LDLRAD4: variants seen among roughly 807,000 people sequenced by gnomAD.
LDLRAD4 encodes low-density lipoprotein receptor class A domain-containing protein 4.
A neutral mutation model predicts 17.0 loss-of-function variants in LDLRAD4; 5 were observed. The ratio of observed to expected loss-of-function variants is 0.29; its 90% CI spans 0.15 to 0.62. The LOEUF (loss-of-function observed/expected upper bound fraction) is 0.62. Ranked by LOEUF, LDLRAD4 falls within the 20% of genes least tolerant of loss-of-function variation. The probability of loss-of-function intolerance (pLI) is 0.84; values close to 1 mark genes in which losing one functional copy is unlikely to be tolerated. For missense variants in LDLRAD4, 340 were observed against 424.7 expected (o/e 0.80, Z 1.75); for synonymous variants, 168 against 171.8 (o/e 0.98, Z 0.17).
chr18:13,576,421 C>CAAAAAAA (rs60116058), intron 3 of LDLRAD4, among the ~76,000 whole-genome samples: 7 of 90,298 alleles, frequency 7.8e-5, no homozygotes, highest in African/African-American at 1.3e-4. Context: ...GACTCTGTCT[C>CAAAAAAA]AAAAAAAAAA....
chr18:13,456,478 C>G (rs2092141675), intron 3 of LDLRAD4, among the ~76,000 whole-genome samples: 1 of 152,214 alleles, frequency 6.6e-6, no homozygotes, highest in South Asian at 2.1e-4. Flanking sequence ...CTTTCTTTCT[C>G]TTTCTATGAT....
intron 1 of LDLRAD4, among the ~76,000 whole-genome samples, chr18:13,363,408 G>A (rs1298347392): frequency 2.0e-5 from 3 of 151,776 alleles, no homozygotes; most frequent in African/African-American, 4.8e-5. Context: ...TTCCCTTAAC[G>A]AAGGTCTTCA....
intron 1 of LDLRAD4, among the ~76,000 whole-genome samples, chr18:13,308,565 C>G (rs1001971160): frequency 6.6e-6 from 1 of 152,188 alleles, no homozygotes; most frequent in South Asian, 2.1e-4. Context: ...CCTGTTCGAC[C>G]ACATCCTCAC....
At chr18:13,317,079 G>A (rs371744845) in intron 1 of LDLRAD4, among the ~76,000 whole-genome samples, 42 of 152,138 alleles carry the variant, frequency 2.8e-4, no homozygotes, top group African/African-American at 8.7e-4. Context: ...GGAGAAGGAT[G>A]CCCGGTGCAC....
At chr18:13,650,459 C>A (rs2043198751) in exon 6 of LDLRAD4, 1 of 397,874 alleles carries the variant, frequency 2.5e-6, no homozygotes, top group African/African-American at 2.1e-5. Context: ...TGTAGATATA[C>A]CCCTATCATG....
intron 3 of LDLRAD4, among the ~76,000 whole-genome samples, chr18:13,516,720 A>T (rs981096723): frequency 6.6e-6 from 1 of 152,184 alleles, no homozygotes; most frequent in Non-Finnish European, 1.5e-5. Context: ...TAGGTTTGTT[A>T]CCCTGGATAA....
At chr18:13,352,813 G>T (rs2083124032) in intron 1 of LDLRAD4, among the ~76,000 whole-genome samples, 1 of 151,896 alleles carries the variant, frequency 6.6e-6, no homozygotes, top group Admixed American at 6.6e-5. Flanking sequence ...AGTTTTAAAT[G>T]ACTTGTCTTT....
At chr18:13,634,762 C>A (rs2041944908) in intron 4 of LDLRAD4, among the ~76,000 whole-genome samples, 1 of 147,422 alleles carries the variant, frequency 6.8e-6, no homozygotes, top group Non-Finnish European at 1.5e-5. Context: ...CCTAAATATC[C>A]ACAATAATCT....
At chr18:13,580,446 C>T (rs1015301805) in intron 3 of LDLRAD4, among the ~76,000 whole-genome samples, 2 of 152,216 alleles carry the variant, frequency 1.3e-5, no homozygotes, top group Non-Finnish European at 2.9e-5. Context: ...GAGGATGGGC[C>T]CCAGAGGGCC....
intron 3 of LDLRAD4, among the ~76,000 whole-genome samples, chr18:13,540,101 G>A (rs1253727607): frequency 2.0e-5 from 3 of 152,194 alleles, no homozygotes; most frequent in Non-Finnish European, 4.4e-5. Flanking sequence ...CAGAAGTTAC[G>A]CAGCCAGATG....
intron 1 of LDLRAD4, among the ~76,000 whole-genome samples, chr18:13,326,001 T>C (rs2143557571): frequency 6.6e-6 from 1 of 152,192 alleles, no homozygotes. Context: ...TCTCCTGACC[T>C]CATGATCCGC....
chr18:13,218,893 G>A (rs888408918), exon 1 of LDLRAD4: 2 of 152,434 alleles, frequency 1.3e-5, no homozygotes, highest in African/African-American at 4.8e-5. Flanking sequence ...CCCGGCACTT[G>A]CCTTTGTGAA....
chr18:13,473,607 A>G (rs1052886385), intron 3 of LDLRAD4, among the ~76,000 whole-genome samples: 4 of 135,438 alleles, frequency 3.0e-5, no homozygotes, highest in African/African-American at 1.1e-4. Flanking sequence ...ACTACACTCC[A>G]GTCTGGGCAG....
chr18:13,431,929 C>T lies in LDLRAD4; in HGVS notation c.41-6315C>T, dbSNP rs1232624194. ...AAGTTTATGAACGGGAATGTCAGCCCGTCTTTGAGTGAGGTCAGAGCGTCA... is the reference window on the plus strand; with the variant it reads ...AAGTTTATGAACGGGAATGTCAGCCTGTCTTTGAGTGAGGTCAGAGCGTCA... On this transcript the variant is annotated intron_variant, in intron 2 of 5. Coordinates refer to ENST00000359446, the Ensembl canonical transcript of LDLRAD4. Among the ~76,000 whole-genome samples, 9 of 152,154 alleles carry T rather than the reference C, an allele frequency of 5.9e-5. No individual in the cohort carries two copies. In the South Asian group the frequency reaches 1.2e-3, roughly 21 times the overall value.
intron 2 of LDLRAD4, among the ~76,000 whole-genome samples, chr18:13,425,070 A>G (rs2089816682): frequency 6.6e-6 from 1 of 152,234 alleles, no homozygotes; most frequent in Admixed American, 6.5e-5. Flanking sequence ...CTGTTCTGGG[A>G]CCCAGGGAAA....
intron 2 of LDLRAD4, among the ~76,000 whole-genome samples, chr18:13,417,418 A>G (rs1368702738): frequency 2.7e-5 from 4 of 150,496 alleles, no homozygotes; most frequent in Non-Finnish European, 5.9e-5. Context: ...ACAATGCTTT[A>G]TTAGTTTGCT....
intron 3 of LDLRAD4, among the ~76,000 whole-genome samples, chr18:13,444,048 G>T (rs557562438): frequency 6.6e-6 from 1 of 152,248 alleles, no homozygotes; most frequent in East Asian, 1.9e-4. Context: ...AATTAGTGGG[G>T]ATACATCTAT....
intron 4 of LDLRAD4, chr18:13,641,877 C>G: frequency 1.0e-5 from 10 of 985,518 alleles, no homozygotes; most frequent in Non-Finnish European, 1.2e-5. Context: ...AGGAACCGCT[C>G]AGCCCCTCTG....
At chr18:13,441,679 A>G (rs1055429969) in intron 3 of LDLRAD4, among the ~76,000 whole-genome samples, 8 of 152,246 alleles carry the variant, frequency 5.3e-5, no homozygotes, top group Non-Finnish European at 7.3e-5. Flanking sequence ...GCTAAATTTC[A>G]GCATGAATTA....
Sources: allele counts gnomAD v4.1 joint callset (sites outside exome capture counted in the v4.1 genomes callset), GRCh38; gene constraint gnomAD v4.1.1; transcripts MANE v1.5; gene names NCBI Gene and HGNC (gene_info 2026-07-23, HGNC 2026-07-21).